The following TAMM41 variants were observed in gnomAD, a reference collection of about 807,000 sequenced individuals.
The protein encoded by TAMM41 is TAM41 mitochondrial translocator assembly and maintenance homolog.
A neutral mutation model predicts 44.1 loss-of-function variants in TAMM41; 36 were observed. That is an observed-to-expected ratio of 0.82 (90% confidence interval 0.63 to 1.08). TAMM41 has a LOEUF of 1.08. Ranked by LOEUF, TAMM41 falls within the 50% of genes least tolerant of loss-of-function variation. TAMM41 has a pLI of 0.00. For synonymous variants in TAMM41, 164 were observed against 153.1 expected (o/e 1.07, Z -0.53); for missense variants, 417 against 404.3 (o/e 1.03, Z -0.27).
At chr3:11,758,611 A>G in the TAMM41 span, among the ~76,000 whole-genome samples, 1 of 152,196 alleles carries the variant, frequency 6.6e-6, no homozygotes, top group Non-Finnish European at 1.5e-5. Context: ...TTGGCCTCCC[A>G]AAGTGCTGGG....
chr3:11,835,586 T>C (rs2079141798), intron 3 of TAMM41, among the ~76,000 whole-genome samples: 1 of 152,246 alleles, frequency 6.6e-6, no homozygotes, highest in Non-Finnish European at 1.5e-5. Flanking sequence ...TGAGCTCATT[T>C]CCAGTGCTTA....
chr3:11,763,791 C>T, the TAMM41 span, among the ~76,000 whole-genome samples: 334 of 152,290 alleles, frequency 2.2e-3, no homozygotes, highest in Middle Eastern at 6.8e-3. Context: ...GGATAAAGGG[C>T]GGAGCCTGTA....
the TAMM41 span, among the ~76,000 whole-genome samples, chr3:11,750,804 T>G: frequency 6.6e-6 from 1 of 152,196 alleles, no homozygotes; most frequent in Non-Finnish European, 1.5e-5. Context: ...TGGTCAGGAC[T>G]CTTTTTCATT....
chr3:11,789,513 AT>A (rs2077437935), downstream of TAMM41, among the ~76,000 whole-genome samples: 1 of 152,146 alleles, frequency 6.6e-6, no homozygotes, highest in African/African-American at 2.4e-5. Flanking sequence ...CTCAATTCCC[AT>A]TTAAGTGTCT....
At chr3:11,724,001 T>TGG in the TAMM41 span, among the ~76,000 whole-genome samples, 13 of 146,918 alleles carry the variant, frequency 8.8e-5, no homozygotes, top group East Asian at 8.1e-4. Flanking sequence ...CAGTGGGGGA[T>TGG]GGGGGGGGGT....
intron 5 of TAMM41, among the ~76,000 whole-genome samples, chr3:11,814,493 C>G (rs775514643): frequency 1.3e-5 from 2 of 148,892 alleles, no homozygotes; most frequent in Non-Finnish European, 3.0e-5. Flanking sequence ...ATTTAATAAA[C>G]GAAGAGACGA....
At chr3:11,733,442 G>C in the TAMM41 span, among the ~76,000 whole-genome samples, 27,106 of 152,094 alleles carry the variant, frequency 0.18, 3,083 homozygotes, top group Non-Finnish European at 0.26. Flanking sequence ...ATCTGGAAGG[G>C]GGTGTTGCAT....
downstream of TAMM41, among the ~76,000 whole-genome samples, chr3:11,788,328 T>G (rs987549806): frequency 1.4e-4 from 21 of 152,286 alleles, no homozygotes; most frequent in African/African-American, 4.8e-4. Context: ...GAGAATCCAT[T>G]TTGTCGCCCA....
the TAMM41 span, among the ~76,000 whole-genome samples, chr3:11,764,495 T>A: frequency 8.1e-6 from 1 of 123,434 alleles, no homozygotes; most frequent in Non-Finnish European, 1.7e-5. Context: ...TCTTTTTTTT[T>A]TTTTTTTTTT....
chr3:11,729,576 T>TA, the TAMM41 span, among the ~76,000 whole-genome samples: 1 of 126,408 alleles, frequency 7.9e-6, no homozygotes, highest in Non-Finnish European at 1.6e-5. Flanking sequence ...TTTTTTTTTT[T>TA]ATGAGACAGA....
chr3:11,815,842 T>G (rs545083734), intron 5 of TAMM41, among the ~76,000 whole-genome samples: 6 of 152,248 alleles, frequency 3.9e-5, no homozygotes, highest in Non-Finnish European at 8.8e-5. Context: ...ATCAGAAGAA[T>G]CAGCTATAGA....
intron 5 of TAMM41, among the ~76,000 whole-genome samples, chr3:11,815,324 C>G (rs188209962): frequency 4.6e-5 from 7 of 152,256 alleles, no homozygotes; most frequent in Non-Finnish European, 8.8e-5. Context: ...AGCTAGAAAA[C>G]AACCAGTTGA....
the TAMM41 span, among the ~76,000 whole-genome samples, chr3:11,782,474 G>A: frequency 6.6e-6 from 1 of 151,208 alleles, no homozygotes; most frequent in Non-Finnish European, 1.5e-5. Flanking sequence ...CTGAGCCCAG[G>A]AAGTCAGGGC....
At position 11,807,826 on chromosome 3, in the gene TAMM41, C is replaced by A; in HGVS notation, c.937+7G>T. The A allele has an allele frequency of 6.5e-7, 1 of 1,536,126 alleles. No individual in the cohort carries two copies. The highest frequency in any genetic ancestry group is 8.7e-7 in the Non-Finnish European group (1 of 1,146,928). On this transcript the variant is annotated splice_region_variant and intron_variant, in intron 7 of 7. Coordinates refer to ENST00000455809, the MANE Select transcript of TAMM41 (RefSeq NM_001284401.2). ...GTATGTTACACACGGATTTCCAAAGCTCTTACCAGCAGTAAAAATGCCTTT... is the reference window on the plus strand; with the variant it reads ...GTATGTTACACACGGATTTCCAAAGATCTTACCAGCAGTAAAAATGCCTTT...
the TAMM41 span, among the ~76,000 whole-genome samples, chr3:11,756,455 C>T: frequency 1.3e-5 from 2 of 152,282 alleles, no homozygotes; most frequent in Admixed American, 1.3e-4. Flanking sequence ...TTCACAATGA[C>T]TCTTTGAGGT....
At chr3:11,778,504 T>C in the TAMM41 span, among the ~76,000 whole-genome samples, 685 of 152,334 alleles carry the variant, frequency 4.5e-3, 5 homozygotes, top group African/African-American at 0.016. Flanking sequence ...TTTAACCACT[T>C]GAGGAACTGA....
At chr3:11,737,987 C>T in the TAMM41 span, among the ~76,000 whole-genome samples, 1 of 152,190 alleles carries the variant, frequency 6.6e-6, no homozygotes, top group South Asian at 2.1e-4. Context: ...ATGAAAACTG[C>T]TGCTGCTCTT....
At chr3:11,838,451 C>CA (rs1353940864) in intron 3 of TAMM41, among the ~76,000 whole-genome samples, 1 of 152,186 alleles carries the variant, frequency 6.6e-6, no homozygotes, top group African/African-American at 2.4e-5. Context: ...CTCCTGACCT[C>CA]AAATGATCCG....
At chr3:11,757,431 C>T in the TAMM41 span, among the ~76,000 whole-genome samples, 12 of 152,112 alleles carry the variant, frequency 7.9e-5, no homozygotes, top group Non-Finnish European at 1.6e-4. Context: ...AAGAATCATG[C>T]AGCGGTCAGA....
Sources: allele counts gnomAD v4.1 joint callset (sites outside exome capture counted in the v4.1 genomes callset), GRCh38; gene constraint gnomAD v4.1.1; transcripts MANE v1.5; gene names NCBI Gene and HGNC (gene_info 2026-07-23, HGNC 2026-07-21).